The following ZNF407 variants were observed in gnomAD, a reference collection of about 807,000 sequenced individuals.
The protein encoded by ZNF407 is zinc finger protein 407.
In ZNF407, 17 loss-of-function variants were observed where a neutral mutation model predicts 131.2. The observed-to-expected ratio is 0.13, with a 90% CI of 0.09 to 0.19. The LOEUF (loss-of-function observed/expected upper bound fraction) is 0.19. Ranked by LOEUF, ZNF407 falls within the 10% of genes least tolerant of loss-of-function variation. ZNF407 has a pLI of 1.00. For synonymous variants in ZNF407, 1,156 were observed against 1,062.0 expected (o/e 1.09, Z -1.72); for missense variants, 2,681 against 2,830.6 (o/e 0.95, Z 1.20).
At chr18:74,729,752 G>A (rs1054353867) in intron 3 of ZNF407, among the ~76,000 whole-genome samples, 1 of 151,980 alleles carries the variant, frequency 6.6e-6, no homozygotes, top group African/African-American at 2.4e-5. Context: ...TGGAGTATTT[G>A]CCTTTATTCA....
At chr18:74,854,313 G>A (rs564302914) in intron 4 of ZNF407, among the ~76,000 whole-genome samples, 1 of 152,284 alleles carries the variant, frequency 6.6e-6, no homozygotes, top group Admixed American at 6.5e-5. Flanking sequence ...GTATTCTAAT[G>A]TTCTTTGATT....
intron 8 of ZNF407, among the ~76,000 whole-genome samples, chr18:74,946,050 A>G (rs1170047011): frequency 6.6e-6 from 1 of 152,212 alleles, no homozygotes; most frequent in Non-Finnish European, 1.5e-5. Flanking sequence ...TACCTCAGTT[A>G]TGACTGATGT....
intron 8 of ZNF407, among the ~76,000 whole-genome samples, chr18:75,026,278 A>G (rs887398997): frequency 6.6e-6 from 1 of 152,264 alleles, no homozygotes; most frequent in African/African-American, 2.4e-5. Flanking sequence ...GTACTCATAG[A>G]CAAAGATAAT....
intron 4 of ZNF407, among the ~76,000 whole-genome samples, chr18:74,808,199 G>A (rs1298991428): frequency 1.3e-5 from 2 of 152,104 alleles, no homozygotes; most frequent in Non-Finnish European, 2.9e-5. Context: ...TTTTAGTAGA[G>A]ACAGGGGTTT....
At chr18:75,000,415 C>A (rs1166609518) in intron 8 of ZNF407, among the ~76,000 whole-genome samples, 2 of 152,188 alleles carry the variant, frequency 1.3e-5, no homozygotes, top group African/African-American at 4.8e-5. Flanking sequence ...ATTCAGCTGT[C>A]ACAGTTGATT....
At chr18:74,857,015 T>C (rs187096548) in intron 4 of ZNF407, among the ~76,000 whole-genome samples, 1 of 152,330 alleles carries the variant, frequency 6.6e-6, no homozygotes, top group African/African-American at 2.4e-5. Flanking sequence ...CACTCGTTAA[T>C]TAGATAAAGG....
At chr18:74,687,847 C>T (rs1967130648) in intron 3 of ZNF407, among the ~76,000 whole-genome samples, 2 of 151,958 alleles carry the variant, frequency 1.3e-5, no homozygotes, top group South Asian at 4.2e-4. Flanking sequence ...TCAAGAATGC[C>T]ATGAAAATGA....
chr18:74,816,130 C>T (rs1208588214), intron 4 of ZNF407, among the ~76,000 whole-genome samples: 1 of 152,110 alleles, frequency 6.6e-6, no homozygotes, highest in East Asian at 1.9e-4. Flanking sequence ...TTGTGTTCTG[C>T]CACTTCTCTT....
intron 7 of ZNF407, among the ~76,000 whole-genome samples, chr18:74,897,679 A>G (rs1350966938): frequency 6.6e-6 from 1 of 152,228 alleles, no homozygotes; most frequent in Non-Finnish European, 1.5e-5. Context: ...TATTCCTTAG[A>G]CACTAGAGCT....
intron 4 of ZNF407, among the ~76,000 whole-genome samples, chr18:74,819,091 G>A (rs745950468): frequency 5.3e-5 from 8 of 152,028 alleles, no homozygotes; most frequent in African/African-American, 7.2e-5. Context: ...TCCCCCAGCC[G>A]CCTTGGTCAA....
chr18:74,880,603 A>G (rs968646845), intron 5 of ZNF407, among the ~76,000 whole-genome samples: 5 of 152,240 alleles, frequency 3.3e-5, no homozygotes, highest in African/African-American at 1.2e-4. Flanking sequence ...AATATCCTTA[A>G]GTTGCTGGAA....
chr18:75,041,454 C>T (rs1291180356), intron 8 of ZNF407, among the ~76,000 whole-genome samples: 3 of 152,122 alleles, frequency 2.0e-5, no homozygotes, highest in East Asian at 1.9e-4. Flanking sequence ...CACACTCTCT[C>T]TCTCACACAC....
chr18:75,034,307 T>G (rs972650722), intron 8 of ZNF407, among the ~76,000 whole-genome samples: 1 of 147,984 alleles, frequency 6.8e-6, no homozygotes, highest in Non-Finnish European at 1.5e-5. Flanking sequence ...TGGGTTTTTT[T>G]TTTTTTTTTT....
intron 7 of ZNF407, among the ~76,000 whole-genome samples, chr18:74,908,651 A>G (rs983123163): frequency 5.9e-5 from 9 of 152,172 alleles, no homozygotes; most frequent in Admixed American, 5.9e-4. Flanking sequence ...TTAAATTTAA[A>G]CAGCACAAAT....
chr18:74,675,983 T>C (rs1348708591), intron 3 of ZNF407, among the ~76,000 whole-genome samples: 1 of 152,210 alleles, frequency 6.6e-6, no homozygotes, highest in African/African-American at 2.4e-5. Flanking sequence ...TTTAAAAATA[T>C]ATTATGCTTC....
chr18:75,005,896 G>A (rs1972904893), intron 8 of ZNF407, among the ~76,000 whole-genome samples: 1 of 152,094 alleles, frequency 6.6e-6, no homozygotes, highest in African/African-American at 2.4e-5. Flanking sequence ...ACTTGGGAAT[G>A]TATGTTTGAG....
intron 8 of ZNF407, among the ~76,000 whole-genome samples, chr18:75,042,689 A>T (rs1973387309): frequency 1.3e-5 from 2 of 152,248 alleles, no homozygotes; most frequent in African/African-American, 4.8e-5. Flanking sequence ...ACCAAGTTAG[A>T]GAACGTTTCC....
chr18:75,036,244 G>A (rs188410296), intron 8 of ZNF407, among the ~76,000 whole-genome samples: 7 of 152,120 alleles, frequency 4.6e-5, no homozygotes, highest in Admixed American at 4.6e-4. Context: ...GTAGTGATGA[G>A]CAAAATAGTA....
At chr18:74,749,917 G>T (rs1023934497) in intron 3 of ZNF407, among the ~76,000 whole-genome samples, 7 of 152,142 alleles carry the variant, frequency 4.6e-5, no homozygotes, top group Non-Finnish European at 1.0e-4. Flanking sequence ...TTAGAAGAGT[G>T]TGAAATTGTC....
Sources: allele counts gnomAD v4.1 joint callset (sites outside exome capture counted in the v4.1 genomes callset), GRCh38; gene constraint gnomAD v4.1.1; transcripts MANE v1.5; gene names NCBI Gene and HGNC (gene_info 2026-07-23, HGNC 2026-07-21).